Variants in CPAMD8 observed in about 807,000 individuals in gnomAD.
CPAMD8 encodes C3 and PZP-like alpha-2-macroglobulin domain-containing protein 8.
Under a neutral mutation model 224.7 loss-of-function variants are expected in CPAMD8, and 146 were observed. The observed-to-expected ratio is 0.65, with a 90% CI of 0.57 to 0.75. The LOEUF (loss-of-function observed/expected upper bound fraction) is 0.75. Ranked by LOEUF, CPAMD8 falls within the 30% of genes least tolerant of loss-of-function variation. The probability of loss-of-function intolerance (pLI) is 0.00; values close to 1 mark genes in which losing one functional copy is unlikely to be tolerated. For synonymous variants in CPAMD8, 966 were observed against 1,044.6 expected (o/e 0.92, Z 1.45); for missense variants, 2,301 against 2,537.5 (o/e 0.91, Z 2.00).
In CPAMD8 at chr19:16,898,544, CCT is replaced by C. The variant is rs1309727918; in HGVS notation, c.4849-552_4849-551del. Among the ~76,000 whole-genome samples the C allele has an allele frequency of 6.6e-6, 1 of 152,106 alleles. No individual in the cohort carries two copies. Among genetic ancestry groups the C allele is most frequent in the Non-Finnish European group, 1.5e-5 (1 of 68,006 alleles). On this transcript the variant is annotated intron_variant, in intron 37 of 41. Transcript: ENST00000443236. This position sits in a 1 kb window ranked among gnomAD's most constrained non-coding sequence, Gnocchi z 4.2. Reference sequence around the variant, plus strand: ...CATTCACGATACTGTGCAATCATCACCTCTGTCTAGTTACAGAACGGTTTCTT... The same window carrying C: ...CATTCACGATACTGTGCAATCATCACCTGTCTAGTTACAGAACGGTTTCTT...
chr19:16,971,792 A>G (rs1157332248), intron 17 of CPAMD8, among the ~76,000 whole-genome samples: 1 of 152,206 alleles, frequency 6.6e-6, no homozygotes, highest in Admixed American at 6.5e-5. Context: ...CATGCCTGTA[A>G]TCCCAGCATT....
intron 25 of CPAMD8, among the ~76,000 whole-genome samples, chr19:16,926,276 A>G (rs187480235): frequency 6.7e-6 from 1 of 148,784 alleles, no homozygotes; most frequent in Admixed American, 6.6e-5. Context: ...GGGACCCCCA[A>G]TGTCCCCTGA....
chr19:16,914,771 G>A lies in CPAMD8; in HGVS notation c.3672C>T (p.Ser1224=). The A allele has an allele frequency of 6.2e-7, 1 of 1,614,004 alleles. No individual in the cohort carries two copies. The highest frequency in any genetic ancestry group is 1.1e-5 in the South Asian group (1 of 91,078). Residue 1224 remains serine, a synonymous_variant, in exon 28 of 42, where the codon AGC becomes AGT. Coordinates refer to ENST00000443236, the MANE Select transcript of CPAMD8 (RefSeq NM_015692.5). ...FVLKSFAQAR[S]FIFVDPRELA... The stretch of plus-strand genomic sequence containing the variant: ...GCTCCCGGGGGTCCACGAAGATAAA[G>A]CTGCGAGCCTGTGCGAAGGACTTCA...
At chr19:16,958,748 G>C (rs1189634612) in intron 18 of CPAMD8, among the ~76,000 whole-genome samples, 1 of 151,738 alleles carries the variant, frequency 6.6e-6, no homozygotes, top group African/African-American at 2.4e-5. Flanking sequence ...ACTATGCATA[G>C]CATCCCCTTT....
At chr19:16,961,481 G>T (rs2054654798) in intron 18 of CPAMD8, among the ~76,000 whole-genome samples, 1 of 152,260 alleles carries the variant, frequency 6.6e-6, no homozygotes, top group East Asian at 1.9e-4. Context: ...CACCATTGCT[G>T]AGGCTGGAGT....
chr19:16,909,005 G>A (rs531371152), intron 29 of CPAMD8, among the ~76,000 whole-genome samples: 17 of 152,204 alleles, frequency 1.1e-4, no homozygotes, highest in Non-Finnish European at 1.5e-4. Flanking sequence ...AGATCCTCCC[G>A]TTTACAGACA....
intron 32 of CPAMD8, 49 bp downstream of exon 32, chr19:16,904,177 C>A: frequency 2.1e-6 from 1 of 479,116 alleles, no homozygotes. Flanking sequence ...ACTGCAGGGA[C>A]CCCACCCACC....
Position 16,925,306 on chromosome 19 carries a change from T to C in CPAMD8, c.3437A>G (p.Glu1146Gly). The C allele has an allele frequency of 6.2e-7, 1 of 1,614,212 alleles. No individual in the cohort carries two copies. Among genetic ancestry groups the C allele is most frequent in the Non-Finnish European group, 8.5e-7 (1 of 1,180,016 alleles). Residue 1146 changes from glutamate (E) to glycine (G), a missense_variant, in exon 26 of 42, where the codon GAG (glutamate) becomes GGG (glycine). Transcript: ENST00000443236. Reference protein sequence around the residue: ...NLLRLPFGCGEQNMIHFAPNV... With the variant: ...NLLRLPFGCGGQNMIHFAPNV... ...GGGTGCAAAGTGGATCATGTTCTGC[T>C]CTCCACAGCCAAACGGCAGCCGCAG... is the stretch of plus-strand genomic sequence containing the variant.
intron 11 of CPAMD8, 67 bp from the exon 12 acceptor site, chr19:16,993,653 T>C (rs2056033662): frequency 1.4e-6 from 2 of 1,419,832 alleles, no homozygotes; most frequent in Non-Finnish European, 2.0e-6. Flanking sequence ...ATCTGCAGAA[T>C]CAACGCAATC....
At chr19:17,007,778 A>T (rs940597050) in intron 7 of CPAMD8, among the ~76,000 whole-genome samples, 2 of 152,246 alleles carry the variant, frequency 1.3e-5, no homozygotes, top group African/African-American at 4.8e-5. Flanking sequence ...GTCATAGGAA[A>T]AGAAAAGAAA....
intron 8 of CPAMD8, 178 bp from the exon 9 acceptor site, chr19:17,002,528 T>G: frequency 4.0e-6 from 2 of 502,972 alleles, no homozygotes; most frequent in South Asian, 6.3e-5. Context: ...CTGCATCTAT[T>G]TCTCATCTTT....
intron 7 of CPAMD8, 34 bp from the exon 8 acceptor site, chr19:17,004,420 A>G (rs765781566): frequency 1.4e-6 from 2 of 1,394,024 alleles, no homozygotes; most frequent in Admixed American, 3.4e-5. Context: ...GCTTTTTCAG[A>G]GAGCCACAGA....
chr19:16,970,759 A>T, intron 18 of CPAMD8, 132 bp downstream of exon 18: 1 of 840,558 alleles, frequency 1.2e-6, no homozygotes, highest in African/African-American at 1.8e-5. Context: ...GAACCATGTG[A>T]AATAAATTTC....
In CPAMD8 at chr19:17,008,862, C is replaced by T. The variant is rs370963571; in HGVS notation, c.505-303G>A. 194 of 463,698 alleles carry T rather than the reference C, an allele frequency of 4.2e-4. 1 individual carries two copies. The highest frequency in any genetic ancestry group is 3.3e-3 in the African/African-American group (167 of 51,004). The allele number at this position is 463,698 out of a possible 1,614,324, so 28.7% of individuals were successfully genotyped here. ...CAGCAGTTTGGGAGGCCAAGGTGGG[C>T]GGATCACCTGAGGTCAGGAGTTTGA... On this transcript the variant is annotated intron_variant, in intron 6 of 41. Transcript: ENST00000443236.
rs778773691 is a variant in CPAMD8 at position 16,893,329 on chromosome 19, C to T, written c.5437G>A (p.Gly1813Arg). 5 of 1,531,162 alleles carry T rather than the reference C, an allele frequency of 3.3e-6. No individual in the cohort carries two copies. Among genetic ancestry groups the T allele is most frequent in the Non-Finnish European group, 3.5e-6 (4 of 1,136,836 alleles). The allele number at this position is 1,531,162 out of a possible 1,614,324, so 94.8% of individuals were successfully genotyped here. Residue 1813 changes from glycine (G) to arginine (R), a missense_variant, in exon 42 of 42, where the codon GGG (glycine) becomes AGG (arginine). Gly to Arg is a moderately radical substitution (Grantham distance 125, BLOSUM62 -2). Around this residue, in one of 4 missense-constraint regions of CPAMD8, gnomAD observed 1,709 missense variants for 1,753.2 expected, o/e 0.97. Coordinates refer to ENST00000443236, the MANE Select transcript of CPAMD8 (RefSeq NM_015692.5). ...EGEAEDRVTA[G>R]PRPPVSSGNL... ...CCGCTGCTCACAGGAGGCCGAGGCC[C>T]GGCTGTGACCCTGGAGATGAGGTTT...
chr19:16,924,800 G>A (rs1360549625), intron 26 of CPAMD8, among the ~76,000 whole-genome samples: 1 of 152,086 alleles, frequency 6.6e-6, no homozygotes, highest in African/African-American at 2.4e-5. Context: ...GCCCAGGCTT[G>A]TCTCAAACTC....
chr19:16,978,989 T>TATCCATCTGTTCATCC (rs537256144), intron 14 of CPAMD8, among the ~76,000 whole-genome samples: 1 of 148,494 alleles, frequency 6.7e-6, no homozygotes, highest in East Asian at 2.1e-4. Flanking sequence ...TCCAATCATC[T>TATCCATCTGTTCATCC]ATCCATCTGT....
intron 10 of CPAMD8, among the ~76,000 whole-genome samples, chr19:16,998,062 G>A (rs1490907543): frequency 6.6e-6 from 1 of 152,216 alleles, no homozygotes; most frequent in East Asian, 1.9e-4. Context: ...ACCATCAGCT[G>A]GTAGCCTCCC....
chr19:17,006,040 T>C (rs1478897373), intron 7 of CPAMD8, among the ~76,000 whole-genome samples: 1 of 151,984 alleles, frequency 6.6e-6, no homozygotes, highest in Non-Finnish European at 1.5e-5. Flanking sequence ...TCTCAGCTCA[T>C]GCAACCTTCA....
Sources: gnomAD v4.1 joint callset for allele counts (sites outside exome capture counted in the v4.1 genomes callset) on GRCh38, gnomAD v4.1.1 for gene constraint, gnomAD v4.1.1 regional missense constraint, Gnocchi (gnomAD v3.1) non-coding constraint, MANE v1.5 for transcripts, NCBI Gene and HGNC (gene_info 2026-07-23, HGNC 2026-07-21) for gene names.